Variants in PHLPP2 observed in about 807,000 individuals in gnomAD.
PHLPP2 encodes the protein PH domain leucine-rich repeat-containing protein phosphatase 2.
PHLPP2 carries 66 observed loss-of-function variants against 124.9 expected under a neutral mutation model. The ratio of observed to expected loss-of-function variants is 0.53; its 90% CI spans 0.43 to 0.65. The LOEUF (loss-of-function observed/expected upper bound fraction) is 0.65. PHLPP2 is among the 30% of genes least tolerant of loss of function. The probability of loss-of-function intolerance (pLI) is 0.00; values close to 1 mark genes in which losing one functional copy is unlikely to be tolerated. For missense variants in PHLPP2, 1,685 were observed against 1,600.4 expected (o/e 1.05, Z -0.90); for synonymous variants, 681 against 624.7 (o/e 1.09, Z -1.34).
chr16:71,670,701 C>CACACACACACACACACAA lies in PHLPP2; in HGVS notation c.1533-1332_1533-1331insTTGTGTGTGTGTGTGTGT, dbSNP rs770030775. Among the ~76,000 whole-genome samples the CACACACACACACACACAA allele has an allele frequency of 1.4e-3, 207 of 151,186 alleles. 1 individual carries two copies. The highest frequency in any genetic ancestry group is 2.6e-3 in the Non-Finnish European group (179 of 67,766). The stretch of plus-strand genomic sequence containing the variant: ...TAAGAAAAAAGAGGCTGAAAACACA[C>CACACACACACACACACAA]ACACACACACACACACACACGAGAG... On this transcript the variant is annotated intron_variant, in intron 10 of 18. Coordinates refer to ENST00000568954, the MANE Select transcript of PHLPP2 (RefSeq NM_015020.3).
chr16:71,719,798 T>A (rs892706976), intron 1 of PHLPP2, among the ~76,000 whole-genome samples: 1 of 151,722 alleles, frequency 6.6e-6, no homozygotes, highest in Non-Finnish European at 1.5e-5. Flanking sequence ...TTTACACTTT[T>A]GTTTGTTTGT....
At chr16:71,651,031 C>T (rs895373902) in intron 18 of PHLPP2, among the ~76,000 whole-genome samples, 81 of 152,300 alleles carry the variant, frequency 5.3e-4, no homozygotes, top group African/African-American at 1.9e-3. Flanking sequence ...TACTTGTCTA[C>T]AATCCCCTAA....
intron 13 of PHLPP2, among the ~76,000 whole-genome samples, chr16:71,663,664 T>G (rs185694980): frequency 1.3e-5 from 2 of 152,336 alleles, no homozygotes; most frequent in East Asian, 3.9e-4. Context: ...TATTAGACCA[T>G]AATTAAGAAG....
chr16:71,683,595 C>T (rs577101684), intron 5 of PHLPP2, among the ~76,000 whole-genome samples: 42 of 152,210 alleles, frequency 2.8e-4, no homozygotes, highest in African/African-American at 9.9e-4. Context: ...CTTCTAAGGC[C>T]CTAACTCCCA....
At chr16:71,681,617 A>G (rs1005626531) in intron 6 of PHLPP2, 134 bp downstream of exon 6, 1 of 630,050 alleles carries the variant, frequency 1.6e-6, no homozygotes, top group Non-Finnish European at 2.6e-6. Context: ...CTCTGTGAAT[A>G]AACATTTTTA....
intron 18 of PHLPP2, among the ~76,000 whole-genome samples, chr16:71,651,108 G>A (rs1183247503): frequency 1.3e-5 from 2 of 152,180 alleles, no homozygotes; most frequent in Admixed American, 6.5e-5. Flanking sequence ...GGGAGGCCGA[G>A]GTGGACGGAT....
chr16:71,684,239 C>T (rs556363229), intron 5 of PHLPP2, among the ~76,000 whole-genome samples: 1 of 151,082 alleles, frequency 6.6e-6, no homozygotes, highest in South Asian at 2.1e-4. Flanking sequence ...GATTCGCCTG[C>T]CTCAGCCTTC....
At position 71,658,722 on chromosome 16, in the gene PHLPP2, C is replaced by T. The variant is rs1567613510; in HGVS notation, c.2079G>A (p.Leu693=). 1 of 1,614,166 alleles carries T rather than the reference C, an allele frequency of 6.2e-7. No homozygotes were observed. Among genetic ancestry groups the T allele is most frequent in the East Asian group, 2.2e-5 (1 of 44,882 alleles). The change falls in exon 14 of 19, where the codon CTG becomes CTA. Residue 693 remains leucine (L), a synonymous_variant. Coordinates refer to ENST00000568954, the MANE Select transcript of PHLPP2 (RefSeq NM_015020.3). ...TGTTGGAGTGTGCAACAAGGGTGTG[C>T]AGCCTTTTACAGTTTGCTATGGTTG... ...IPTTIANCKR[L]HTLVAHSNNI...
rs754139385 is a variant in PHLPP2, at chr16:71,649,453, T to G, written c.3409A>C (p.Thr1137Pro). 9 of 1,613,966 alleles carry G rather than the reference T, an allele frequency of 5.6e-6. No homozygotes were observed. Among genetic ancestry groups the G allele is most frequent in the South Asian group, 5.5e-5 (5 of 91,086 alleles). The change falls in exon 19 of 19, where the codon ACC becomes CCC. Residue 1137 changes from threonine to proline, a missense_variant. Transcript: ENST00000568954. ...GLFQRQPSSA[T>P]FSSNQSDNGL... Reference sequence around the variant, plus strand: ...TTGTCAGACTGGTTACTGGAGAAGGTAGCAGAAGAAGGCTGGCGCTGAAAC... The same window carrying G: ...TTGTCAGACTGGTTACTGGAGAAGGGAGCAGAAGAAGGCTGGCGCTGAAAC...
At position 71,660,042 on chromosome 16, in the gene PHLPP2, C is replaced by G. The variant is rs534805133; in HGVS notation, c.1986-1227G>C. Among the ~76,000 whole-genome samples the G allele has an allele frequency of 8.6e-5, 13 of 151,050 alleles. No homozygotes were observed. The South Asian group carries it at 2.7e-3, about 31-fold the overall frequency. ...GCTTTGTAAATTACAATTATTTTTT[C>G]TGATAAAAATAATATATACTCACTG... On this transcript the variant is annotated intron_variant, in intron 13 of 18. Transcript: ENST00000568954.
intron 1 of PHLPP2, among the ~76,000 whole-genome samples, chr16:71,721,616 T>C (rs1248061038): frequency 2.0e-5 from 3 of 150,002 alleles, no homozygotes; most frequent in Admixed American, 6.6e-5. Context: ...CTTTTTAAAT[T>C]TTTTTTGGCA....
intron 1 of PHLPP2, among the ~76,000 whole-genome samples, chr16:71,718,587 A>C (rs973800677): frequency 2.6e-5 from 4 of 151,652 alleles, no homozygotes; most frequent in African/African-American, 9.7e-5. Flanking sequence ...CTCAAAAAAA[A>C]AAAAAACAAA....
chr16:71,696,568 C>A (rs958787969), intron 3 of PHLPP2, among the ~76,000 whole-genome samples: 9 of 150,942 alleles, frequency 6.0e-5, no homozygotes, highest in African/African-American at 2.0e-4. Context: ...ACCCAGGAGG[C>A]AGAGGCTGCA....
At chr16:71,723,533 T>G in intron 1 of PHLPP2, 2 of 176,178 alleles carry the variant, frequency 1.1e-5, no homozygotes, top group Non-Finnish European at 2.3e-5. Context: ...CGGCCAGGGA[T>G]GGGCAGCAGC....
At chr16:71,661,514 G>A (rs1160544679) in intron 13 of PHLPP2, among the ~76,000 whole-genome samples, 2 of 152,068 alleles carry the variant, frequency 1.3e-5, no homozygotes, top group South Asian at 2.1e-4. Flanking sequence ...CCATCCAACA[G>A]CTTCCAGTGG....
chr16:71,707,770 A>T (rs577054123), intron 2 of PHLPP2, among the ~76,000 whole-genome samples: 1 of 152,300 alleles, frequency 6.6e-6, no homozygotes. Context: ...ATCAAGCTAA[A>T]ACTGTAATTG....
chr16:71,684,647 T>C (rs776197424), intron 4 of PHLPP2, 46 bp from the exon 5 acceptor site: 30 of 1,506,086 alleles, frequency 2.0e-5, no homozygotes, highest in Non-Finnish European at 2.3e-5. Flanking sequence ...AAAAAAAAAA[T>C]CCTAGTCAAA....
chr16:71,723,821 T>G, intron 1 of PHLPP2: 2 of 1,257,610 alleles, frequency 1.6e-6, no homozygotes, highest in Non-Finnish European at 2.0e-6. Context: ...TTCGGGCGGC[T>G]CCGGGGGCTC....
chr16:71,702,652 T>G lies in PHLPP2; in HGVS notation c.364A>C (p.Ile122Leu), dbSNP rs1284177972. ...SRLGFDDPVR[I>L]QEEATNPDLG... ...TCAGGATTTGTAGCCTCCTCCTGTA[T>G]GCGCACAGGATCATCAAATCCCAGC... is the stretch of plus-strand genomic sequence containing the variant. Residue 122 changes from isoleucine (I) to leucine (L), a missense_variant, in exon 3 of 19, where the codon ATA becomes CTA. Transcript: ENST00000568954. The G allele has an allele frequency of 1.2e-6, 2 of 1,609,092 alleles. No homozygotes were observed. Among genetic ancestry groups the G allele is most frequent in the Non-Finnish European group, 8.5e-7 (1 of 1,177,132 alleles).
Sources: allele counts gnomAD v4.1 joint callset (sites outside exome capture counted in the v4.1 genomes callset), GRCh38; gene constraint gnomAD v4.1.1; transcripts MANE v1.5; gene names NCBI Gene and HGNC (gene_info 2026-07-23, HGNC 2026-07-21).